The following PRKCA variants were observed in gnomAD, a reference collection of about 807,000 sequenced individuals.
PRKCA encodes the protein protein kinase C alpha.
Under a neutral mutation model 87.0 loss-of-function variants are expected in PRKCA, and 27 were observed. The ratio of observed to expected loss-of-function variants is 0.31; its 90% CI spans 0.23 to 0.43. The LOEUF (loss-of-function observed/expected upper bound fraction) is 0.43. Among genes scored for constraint, PRKCA ranks in the 20% least tolerant of loss-of-function variants. PRKCA has a pLI of 1.00. For missense variants in PRKCA, 518 were observed against 852.3 expected, an observed-to-expected ratio of 0.61 and a Z score of 4.88; for synonymous variants, 329 against 311.1, an observed-to-expected ratio of 1.06 and a Z score of -0.61.
chr17:66,464,524 G>T (rs979783579), intron 2 of PRKCA, among the ~76,000 whole-genome samples: 2 of 152,160 alleles, frequency 1.3e-5, no homozygotes, highest in Non-Finnish European at 2.9e-5. Context: ...CCACATCCTT[G>T]TCAGCGTTTG....
intron 7 of PRKCA, 93 bp downstream of exon 7, chr17:66,688,529 A>G (rs940066773): frequency 9.5e-6 from 14 of 1,471,826 alleles, no homozygotes; most frequent in Admixed American, 3.7e-5. Context: ...GAGGCTGGAC[A>G]TGGTGCCTCA....
At chr17:66,525,446 A>G (rs1333678170) in intron 3 of PRKCA, among the ~76,000 whole-genome samples, 3 of 152,212 alleles carry the variant, frequency 2.0e-5, no homozygotes, top group Non-Finnish European at 4.4e-5. Flanking sequence ...ATTTTGGACC[A>G]TCCACTTAGA....
chr17:66,788,255 C>T (rs572952523), intron 15 of PRKCA, among the ~76,000 whole-genome samples: 4 of 152,258 alleles, frequency 2.6e-5, no homozygotes, highest in Admixed American at 6.5e-5. Flanking sequence ...ATACTGAGAT[C>T]GGGAGGAACT....
At chr17:66,417,315 G>A (rs1373503684) in intron 2 of PRKCA, among the ~76,000 whole-genome samples, 2 of 152,030 alleles carry the variant, frequency 1.3e-5, no homozygotes, top group Admixed American at 6.5e-5. Flanking sequence ...AGATACAGGT[G>A]CCCTAATACC....
intron 16 of PRKCA, among the ~76,000 whole-genome samples, chr17:66,794,031 T>C (rs1200068879): frequency 1.3e-5 from 2 of 152,234 alleles, no homozygotes; most frequent in East Asian, 1.9e-4. Context: ...TTTTTAGTTC[T>C]AGCCGTTGGC....
chr17:66,590,036 C>T (rs1334757057), intron 3 of PRKCA, among the ~76,000 whole-genome samples: 2 of 152,160 alleles, frequency 1.3e-5, no homozygotes, highest in Non-Finnish European at 2.9e-5. Flanking sequence ...GCCCGCCGCT[C>T]ACCTCCTGCT....
intron 5 of PRKCA, among the ~76,000 whole-genome samples, chr17:66,670,583 C>T (rs1031573294): frequency 4.6e-5 from 7 of 152,078 alleles, no homozygotes; most frequent in East Asian, 1.9e-4. Flanking sequence ...AAATTTTGGC[C>T]GGGCATTGTG....
At chr17:66,552,825 A>G (rs935010435) in intron 3 of PRKCA, among the ~76,000 whole-genome samples, 19 of 152,190 alleles carry the variant, frequency 1.2e-4, no homozygotes, top group African/African-American at 3.6e-4. Context: ...ACGCACTGAG[A>G]GCCATGTCAG....
intron 13 of PRKCA, among the ~76,000 whole-genome samples, chr17:66,768,833 C>T (rs1388741493): frequency 6.6e-6 from 1 of 152,094 alleles, no homozygotes; most frequent in Non-Finnish European, 1.5e-5. Context: ...GGTGGGGACA[C>T]GATATGGTTT....
At chr17:66,548,233 A>G (rs1968206992) in intron 3 of PRKCA, among the ~76,000 whole-genome samples, 1 of 152,074 alleles carries the variant, frequency 6.6e-6, no homozygotes, top group Non-Finnish European at 1.5e-5. Context: ...AAGACCAAAA[A>G]ATTTACTGAG....
chr17:66,807,523 A>T lies in PRKCA; in HGVS notation c.*3486A>T, dbSNP rs565214298. On this transcript the variant is annotated 3_prime_UTR_variant, in exon 17 of 17. Transcript: ENST00000413366. This position sits in a 1 kb window ranked among gnomAD's most constrained non-coding sequence, Gnocchi z 4.3. Reference sequence around the variant, plus strand: ...AGGCAGATCAGAAACCACAGGAGTCAAAATTATTGCTCCGGCAGTGCTTCC... The same window carrying T: ...AGGCAGATCAGAAACCACAGGAGTCTAAATTATTGCTCCGGCAGTGCTTCC... The T allele has an allele frequency of 6.6e-6, 1 of 152,256 alleles. No homozygotes were observed. Among genetic ancestry groups the T allele is most frequent in the East Asian group, 1.9e-4 (1 of 5,200 alleles). 9.4% of individuals were successfully genotyped at this position (152,256 alleles called of 1,614,324 possible). A position where few individuals can be genotyped will look rare whatever the true frequency, so the allele number is the denominator to read the frequency against.
chr17:66,744,875 C>T (rs1974237823), intron 13 of PRKCA, among the ~76,000 whole-genome samples: 1 of 152,192 alleles, frequency 6.6e-6, no homozygotes, highest in Non-Finnish European at 1.5e-5. Context: ...AAGAGGCCAC[C>T]ACCTGCATTC....
At chr17:66,449,880 T>G (rs925734828) in intron 2 of PRKCA, among the ~76,000 whole-genome samples, 3 of 152,176 alleles carry the variant, frequency 2.0e-5, no homozygotes, top group African/African-American at 7.2e-5. Flanking sequence ...TTGTTTGTTT[T>G]GTTTTGTTCT....
At chr17:66,384,036 A>G (rs1909915339) in intron 2 of PRKCA, among the ~76,000 whole-genome samples, 1 of 152,082 alleles carries the variant, frequency 6.6e-6, no homozygotes, top group South Asian at 2.1e-4. Context: ...GCACTTTCCT[A>G]TTTTTTATGA....
At chr17:66,557,275 T>C (rs954007999) in intron 3 of PRKCA, among the ~76,000 whole-genome samples, 7 of 152,172 alleles carry the variant, frequency 4.6e-5, no homozygotes, top group African/African-American at 1.7e-4. Flanking sequence ...CTTCTCTCTG[T>C]GAAGCAAGTT....
At chr17:66,726,909 G>A (rs1973766082) in intron 8 of PRKCA, among the ~76,000 whole-genome samples, 1 of 152,114 alleles carries the variant, frequency 6.6e-6, no homozygotes, top group African/African-American at 2.4e-5. Flanking sequence ...TTTTTTGGTA[G>A]AGACGGGGTT....
At chr17:66,469,606 T>A (rs1915237241) in intron 2 of PRKCA, among the ~76,000 whole-genome samples, 1 of 152,248 alleles carries the variant, frequency 6.6e-6, no homozygotes, top group Non-Finnish European at 1.5e-5. Flanking sequence ...TAGCATGTGA[T>A]ACCTTGTAAA....
chr17:66,603,338 G>T (rs772206880), intron 3 of PRKCA, among the ~76,000 whole-genome samples: 25 of 152,162 alleles, frequency 1.6e-4, no homozygotes, highest in Non-Finnish European at 2.8e-4. Context: ...CATGTGAATT[G>T]TTCCATTTTT....
intron 3 of PRKCA, among the ~76,000 whole-genome samples, chr17:66,580,313 C>A (rs1383488847): frequency 1.3e-5 from 2 of 152,224 alleles, no homozygotes; most frequent in Non-Finnish European, 2.9e-5. Flanking sequence ...TCGCTTTCAG[C>A]AGGCCAATCT....
Sources: allele counts gnomAD v4.1 joint callset (sites outside exome capture counted in the v4.1 genomes callset), GRCh38; gene constraint gnomAD v4.1.1; non-coding constraint Gnocchi (gnomAD v3.1); transcripts MANE v1.5; gene names NCBI Gene and HGNC (gene_info 2026-07-23, HGNC 2026-07-21).